Variants in FHIT observed in about 807,000 individuals in gnomAD.
FHIT encodes the protein bis(5'-adenosyl)-triphosphatase.
In FHIT, 19 loss-of-function variants were observed where a neutral mutation model predicts 17.9. That is an observed-to-expected ratio of 1.06 (90% confidence interval 0.74 to 1.56). FHIT has a LOEUF of 1.56. Ranked by LOEUF, FHIT falls within the 40% of genes most tolerant of loss-of-function variation. FHIT has a pLI of 0.00. For missense variants in FHIT, 248 were observed against 189.2 expected (o/e 1.31, Z -1.82); for synonymous variants, 81 against 69.7 (o/e 1.16, Z -0.81).
chr3:61,175,039 G>A (rs995937990), intron 2 of FHIT, among the ~76,000 whole-genome samples: 7 of 152,046 alleles, frequency 4.6e-5, no homozygotes, highest in African/African-American at 1.7e-4. Flanking sequence ...CTAACAGGAC[G>A]TCTGCGAAAC....
At chr3:60,002,716 T>C (rs2107503630) in intron 7 of FHIT, among the ~76,000 whole-genome samples, 1 of 152,308 alleles carries the variant, frequency 6.6e-6, no homozygotes, top group East Asian at 1.9e-4. Flanking sequence ...CCATGAAATC[T>C]TTACCTTTTC....
chr3:60,963,028 G>T (rs1490017504), intron 3 of FHIT, among the ~76,000 whole-genome samples: 2 of 152,134 alleles, frequency 1.3e-5, no homozygotes, highest in Non-Finnish European at 2.9e-5. Flanking sequence ...TTGTACCTCC[G>T]GTAGAATTCG....
At chr3:60,944,125 G>T (rs782660867) in intron 3 of FHIT, among the ~76,000 whole-genome samples, 2 of 152,038 alleles carry the variant, frequency 1.3e-5, no homozygotes, top group Non-Finnish European at 2.9e-5. Context: ...GTTAAATGAG[G>T]GTCGCATAGT....
intron 5 of FHIT, among the ~76,000 whole-genome samples, chr3:60,257,482 C>T (rs1483610963): frequency 1.3e-5 from 2 of 152,310 alleles, no homozygotes; most frequent in East Asian, 3.9e-4. Context: ...GCTGATGCTA[C>T]TCTTTCACCC....
At chr3:61,032,175 T>C (rs931495360) in intron 3 of FHIT, among the ~76,000 whole-genome samples, 2 of 152,190 alleles carry the variant, frequency 1.3e-5, no homozygotes, top group African/African-American at 4.8e-5. Context: ...CTCCTACAGG[T>C]AAATAATATT....
chr3:60,238,340 TTAA>T (rs1361161302), intron 5 of FHIT, among the ~76,000 whole-genome samples: 1 of 150,576 alleles, frequency 6.6e-6, no homozygotes, highest in African/African-American at 2.4e-5. Context: ...TTAGCGATAT[TTAA>T]TAATATTAAA....
chr3:60,573,870 C>A (rs946960577), intron 4 of FHIT, among the ~76,000 whole-genome samples: 1 of 151,842 alleles, frequency 6.6e-6, no homozygotes, highest in Admixed American at 6.6e-5. Flanking sequence ...GGCGCAGTGA[C>A]GTGATCTCAG....
At chr3:60,988,946 T>TAAAAAAAAAAA (rs535898632) in intron 3 of FHIT, among the ~76,000 whole-genome samples, 1 of 34,324 alleles carries the variant, frequency 2.9e-5, no homozygotes, top group Non-Finnish European at 4.9e-5. Flanking sequence ...ATGGCTTTGT[T>TAAAAAAAAAAA]AAAAAAAAAA....
At chr3:61,237,366 G>C (rs1360417376) in intron 1 of FHIT, among the ~76,000 whole-genome samples, 1 of 152,160 alleles carries the variant, frequency 6.6e-6, no homozygotes, top group Non-Finnish European at 1.5e-5. Flanking sequence ...CAGTACTGCA[G>C]ATATGTTTGT....
intron 2 of FHIT, among the ~76,000 whole-genome samples, chr3:61,100,103 C>T (rs1176762162): frequency 2.6e-5 from 4 of 151,976 alleles, no homozygotes; most frequent in Non-Finnish European, 5.9e-5. Context: ...GGTACATGTG[C>T]ACAATGTGCA....
At chr3:60,574,398 G>A (rs2107668844) in intron 4 of FHIT, among the ~76,000 whole-genome samples, 1 of 150,196 alleles carries the variant, frequency 6.7e-6, no homozygotes, top group Non-Finnish European at 1.5e-5. Context: ...TCTTCCTGAT[G>A]ATTGTGAGCA....
intron 4 of FHIT, among the ~76,000 whole-genome samples, chr3:60,642,176 C>T (rs1577016151): frequency 1.3e-5 from 2 of 152,124 alleles, no homozygotes; most frequent in African/African-American, 4.8e-5. Context: ...AAGACAGAGA[C>T]ATGGAAGCCC....
At position 60,667,527 on chromosome 3, in the gene FHIT, T is replaced by G. The variant is rs573103378; in HGVS notation, c.-17-130548A>C. On this transcript the variant is annotated intron_variant, in intron 4 of 9. Coordinates refer to ENST00000492590, the MANE Select transcript of FHIT (RefSeq NM_002012.4). ...ATTTTAAAAAATTGTATCAAAAATT[T>G]GCAGCTGCTTTATAGGTCATTTATA... Among the ~76,000 whole-genome samples, 32 of 152,348 alleles carry G rather than the reference T, an allele frequency of 2.1e-4. No individual in the cohort carries two copies. The South Asian group carries it at 6.6e-3, about 32-fold the overall frequency.
chr3:60,149,876 C>A (rs1489948840), intron 5 of FHIT, among the ~76,000 whole-genome samples: 1 of 150,216 alleles, frequency 6.7e-6, no homozygotes, highest in African/African-American at 2.5e-5. Context: ...TCTACAGGAG[C>A]TATAATGAAA....
At chr3:60,888,318 A>G (rs1553759790) in intron 3 of FHIT, among the ~76,000 whole-genome samples, 1 of 152,226 alleles carries the variant, frequency 6.6e-6, no homozygotes, top group Non-Finnish European at 1.5e-5. Flanking sequence ...GAGTGTTTCA[A>G]AAGGCAGCAA....
At chr3:60,164,915 T>C (rs988685238) in intron 5 of FHIT, among the ~76,000 whole-genome samples, 1 of 152,150 alleles carries the variant, frequency 6.6e-6, no homozygotes, top group African/African-American at 2.4e-5. Context: ...CAAACTCCAA[T>C]TTTCCAGGAC....
chr3:61,013,382 T>C (rs1195405174), intron 3 of FHIT, among the ~76,000 whole-genome samples: 1 of 152,218 alleles, frequency 6.6e-6, no homozygotes, highest in Non-Finnish European at 1.5e-5. Context: ...AATTATTTGC[T>C]TTACCCTAAG....
chr3:59,888,721 C>T (rs1703728902), intron 8 of FHIT, among the ~76,000 whole-genome samples: 1 of 152,112 alleles, frequency 6.6e-6, no homozygotes, highest in Non-Finnish European at 1.5e-5. Context: ...TCCAACATGA[C>T]CTTTAGAAAG....
At chr3:59,833,109 TG>T (rs1575564429) in intron 8 of FHIT, among the ~76,000 whole-genome samples, 1 of 152,192 alleles carries the variant, frequency 6.6e-6, no homozygotes, top group East Asian at 1.9e-4. Flanking sequence ...AGTAATCACA[TG>T]GGGGTAAGTT....
Sources: gnomAD v4.1 joint callset for allele counts (sites outside exome capture counted in the v4.1 genomes callset) on GRCh38, gnomAD v4.1.1 for gene constraint, MANE v1.5 for transcripts, NCBI Gene and HGNC (gene_info 2026-07-23, HGNC 2026-07-21) for gene names.